OSBPL10: variants seen among roughly 807,000 people sequenced by gnomAD.
The protein encoded by OSBPL10 is oxysterol-binding protein-related protein 10.
A neutral mutation model predicts 81.7 loss-of-function variants in OSBPL10; 49 were observed. The ratio of observed to expected loss-of-function variants is 0.60; its 90% confidence interval spans 0.48 to 0.76. The LOEUF (loss-of-function observed/expected upper bound fraction) is 0.76, where lower values mean the gene tolerates loss of function less well. Among genes scored for constraint, OSBPL10 ranks in the 30% least tolerant of loss-of-function variants. The pLI, the probability that OSBPL10 is intolerant of heterozygous loss-of-function variation, is 0.00. For missense variants in OSBPL10, 923 were observed against 987.8 expected, an observed-to-expected ratio of 0.93 and a Z score of 0.88; for synonymous variants, 419 against 383.6, an observed-to-expected ratio of 1.09 and a Z score of -1.08.
At chr3:31,755,351 C>CA (rs984152518) in intron 4 of OSBPL10, among the ~76,000 whole-genome samples, 35 of 152,262 alleles carry the variant, frequency 2.3e-4, no homozygotes, top group African/African-American at 7.9e-4. Context: ...TTTCCACTTC[C>CA]AAGTTGAAGA....
chr3:31,990,577 C>T (rs1269400386), intron 2 of OSBPL10: 2 of 1,613,952 alleles, frequency 1.2e-6, no homozygotes, highest in Admixed American at 3.3e-5. Context: ...CCTTGTAATT[C>T]ATAAGGCAAT....
At position 31,894,388 on chromosome 3, in the gene OSBPL10, G is replaced by A. The variant is rs181854863; in HGVS notation, c.282-14558C>T. On this transcript the variant is annotated intron_variant, in intron 1 of 11. Coordinates refer to ENST00000396556, the MANE Select transcript of OSBPL10 (RefSeq NM_017784.5). Reference sequence around the variant, plus strand: ...ACAGGGAAAAGAACAGAGAAAACAAGGCAGAGAGGAAAACCAGAAGCACAG... The same window carrying A: ...ACAGGGAAAAGAACAGAGAAAACAAAGCAGAGAGGAAAACCAGAAGCACAG... Among the ~76,000 whole-genome samples, 233 of 152,250 alleles carry A rather than the reference G, an allele frequency of 1.5e-3. 1 individual carries two copies. The highest frequency in any genetic ancestry group is 3.4e-3 in the Middle Eastern group (1 of 294).
intron 1 of OSBPL10, among the ~76,000 whole-genome samples, chr3:31,971,293 A>G (rs1157605293): frequency 6.6e-6 from 1 of 151,900 alleles, no homozygotes; most frequent in African/African-American, 2.4e-5. Context: ...GGCGCATGCC[A>G]CCATGCCCGC....
chr3:31,922,340 C>T (rs1036229373), intron 1 of OSBPL10, among the ~76,000 whole-genome samples: 5 of 152,112 alleles, frequency 3.3e-5, no homozygotes, highest in African/African-American at 7.2e-5. Context: ...TAAACCTGGC[C>T]GGGAGCAGTG....
chr3:31,793,243 C>T (rs537597150), intron 4 of OSBPL10, among the ~76,000 whole-genome samples: 6 of 152,272 alleles, frequency 3.9e-5, no homozygotes, highest in Admixed American at 6.5e-5. Context: ...TGGGAAAGCG[C>T]GCCTGTCATT....
Position 31,720,881 on chromosome 3 carries a change from C to CAAAAAA in OSBPL10, c.1095+12370_1095+12375dup, listed in dbSNP as rs61492992. Among the ~76,000 whole-genome samples the CAAAAAA allele has an allele frequency of 5.3e-3, 352 of 66,266 alleles. 19 individuals carry two copies. The highest frequency in any genetic ancestry group is 0.021 in the African/African-American group (339 of 16,152). 43.5% of individuals were successfully genotyped at this position (66,266 alleles called of 152,430 possible). A position where few individuals can be genotyped will look rare whatever the true frequency, so the allele number is the denominator to read the frequency against. On this transcript the variant is annotated intron_variant, in intron 6 of 11. Transcript: ENST00000396556. ...TGGGCAACAGAGCGAGACTCTGTCT[C>CAAAAAA]AAAAAAAAAAAAAAAAAAAAAAAGG...
At chr3:31,910,623 G>C (rs896080880) in intron 1 of OSBPL10, among the ~76,000 whole-genome samples, 2 of 151,648 alleles carry the variant, frequency 1.3e-5, no homozygotes, top group African/African-American at 4.8e-5. Flanking sequence ...GGGACAGAGT[G>C]AGACTCTAGC....
At chr3:32,024,335 A>G (rs1699383939) in intron 2 of OSBPL10, among the ~76,000 whole-genome samples, 1 of 152,130 alleles carries the variant, frequency 6.6e-6, no homozygotes, top group Non-Finnish European at 1.5e-5. Context: ...CTTCCAACCC[A>G]TCACATGATG....
At chr3:31,895,195 G>A (rs550787490) in intron 1 of OSBPL10, among the ~76,000 whole-genome samples, 3 of 146,138 alleles carry the variant, frequency 2.1e-5, no homozygotes, top group East Asian at 2.1e-4. Flanking sequence ...GTGCAGTGGT[G>A]TGATCTCGGT....
chr3:31,775,087 G>A (rs868695460), intron 4 of OSBPL10, among the ~76,000 whole-genome samples: 1 of 151,980 alleles, frequency 6.6e-6, no homozygotes, highest in East Asian at 2.0e-4. Flanking sequence ...CAGGAGAATC[G>A]TTTGAACTCA....
At position 31,870,419 on chromosome 3, in the gene OSBPL10, C is replaced by A. The variant is rs943326417; in HGVS notation, c.537+6014G>T. ...TCCCACCCCTCCATGGGCTCCTGTG[C>A]GGCCCGAGCCTCCCCGACGAGCGCC... On this transcript the variant is annotated intron_variant, in intron 3 of 11. Coordinates refer to ENST00000396556, the MANE Select transcript of OSBPL10 (RefSeq NM_017784.5). Among the ~76,000 whole-genome samples the A allele has an allele frequency of 2.0e-5, 3 of 152,350 alleles. No homozygotes were observed. In the South Asian group the frequency reaches 6.2e-4, roughly 32 times the overall value.
At chr3:31,825,668 A>C (rs1378286310) in intron 4 of OSBPL10, among the ~76,000 whole-genome samples, 1 of 152,182 alleles carries the variant, frequency 6.6e-6, no homozygotes, top group African/African-American at 2.4e-5. Flanking sequence ...CTGAGATTAT[A>C]TTCCTTTTGG....
At chr3:31,790,810 A>T (rs577782880) in intron 4 of OSBPL10, among the ~76,000 whole-genome samples, 1 of 152,232 alleles carries the variant, frequency 6.6e-6, no homozygotes, top group Non-Finnish European at 1.5e-5. Context: ...CCTGGATAAG[A>T]GGTTAACATC....
At chr3:31,662,187 C>T (rs1020417412) in intron 11 of OSBPL10, 71 bp from the exon 12 acceptor site, 51 of 1,607,632 alleles carry the variant, frequency 3.2e-5, no homozygotes, top group African/African-American at 4.0e-5. Context: ...CAAGGATAAC[C>T]GCAGCCACTC....
At chr3:31,993,646 A>T (rs1699058619) in intron 2 of OSBPL10, among the ~76,000 whole-genome samples, 1 of 151,808 alleles carries the variant, frequency 6.6e-6, no homozygotes, top group Non-Finnish European at 1.5e-5. Context: ...ACAATGAGAT[A>T]CTACTACATA....
At chr3:31,843,929 C>T (rs946536284) in intron 3 of OSBPL10, among the ~76,000 whole-genome samples, 6 of 152,162 alleles carry the variant, frequency 3.9e-5, no homozygotes, top group Non-Finnish European at 5.9e-5. Context: ...GCCATGAGTC[C>T]AGATGCTCTG....
chr3:31,802,653 C>T lies in OSBPL10; in HGVS notation c.729+27387G>A, dbSNP rs990202342. On this transcript the variant is annotated intron_variant, in intron 4 of 11. Coordinates refer to ENST00000396556, the MANE Select transcript of OSBPL10 (RefSeq NM_017784.5). ...TAATTCCCCTTCTTTTCAACAATTC[C>T]GGCCTGCCTCCAGCTCTTAGTAGGG... is the stretch of plus-strand genomic sequence containing the variant. 4.6e-5 allele frequency among the ~76,000 whole-genome samples: 7 copies of T among 152,030 alleles called. 2 individuals are homozygous for T. Among genetic ancestry groups the T allele is most frequent in the East Asian group, 1.9e-4 (1 of 5,170 alleles).
chr3:31,728,152 T>TA (rs1559436495), intron 6 of OSBPL10, among the ~76,000 whole-genome samples: 1 of 152,238 alleles, frequency 6.6e-6, no homozygotes, highest in Non-Finnish European at 1.5e-5. Context: ...GCTGATATAG[T>TA]ACTCAGTACA....
At chr3:31,965,667 T>A (rs1296061525) in intron 1 of OSBPL10, among the ~76,000 whole-genome samples, 355 of 33,866 alleles carry the variant, frequency 0.01, 8 homozygotes, top group Non-Finnish European at 0.015. Context: ...ATATTATATA[T>A]TTTATATAAT....
Sources: allele counts gnomAD v4.1 joint callset (sites outside exome capture counted in the v4.1 genomes callset), GRCh38; gene constraint gnomAD v4.1.1; transcripts MANE v1.5; gene names NCBI Gene and HGNC (gene_info 2026-07-23, HGNC 2026-07-21).